PARPBP: variants seen among roughly 807,000 people sequenced by gnomAD.
PARPBP encodes the protein PCNA-interacting partner.
A neutral mutation model predicts 50.0 loss-of-function variants in PARPBP; 52 were observed. The observed-to-expected ratio is 1.04, with a 90% CI of 0.83 to 1.31. The LOEUF (loss-of-function observed/expected upper bound fraction) is 1.31. Ranked by LOEUF, PARPBP falls within the 50% of genes most tolerant of loss-of-function variation. The probability of loss-of-function intolerance (pLI) is 0.00; values close to 1 mark genes in which losing one functional copy is unlikely to be tolerated. For synonymous variants in PARPBP, 244 were observed against 232.1 expected, an observed-to-expected ratio of 1.05 and a Z score of -0.47; for missense variants, 697 against 672.0, an observed-to-expected ratio of 1.04 and a Z score of -0.41.
chr12:102,168,804 C>T (rs1050559526), intron 6 of PARPBP, among the ~76,000 whole-genome samples: 21 of 152,098 alleles, frequency 1.4e-4, no homozygotes, highest in Admixed American at 5.9e-4. Flanking sequence ...TTCATTTTAT[C>T]TTATAATTTC....
intron 3 of PARPBP, among the ~76,000 whole-genome samples, chr12:102,152,729 C>T (rs1389621624): frequency 6.6e-6 from 1 of 151,426 alleles, no homozygotes; most frequent in African/African-American, 2.4e-5. Flanking sequence ...ATAAATACTT[C>T]AGAGTAATTT....
rs745871592 is a variant in PARPBP at position 102,164,446 on chromosome 12, G to T, written c.504G>T (p.Leu168=). 10 of 1,610,498 alleles carry T rather than the reference G, an allele frequency of 6.2e-6. No individual in the cohort carries two copies. Among genetic ancestry groups the T allele is most frequent in the Non-Finnish European group, 8.5e-6 (10 of 1,177,240 alleles). Residue 168 remains leucine, a synonymous_variant, in exon 5 of 11, where the codon CTG becomes CTT. Transcript: ENST00000327680. ...KYNRDNEKVQ[L]LARKIIFSYL... ...AATATTTTATTGCACAGGTGCAGCT[G>T]CTAGCAAGGAAAATTATCTTTTCAT...
chr12:102,157,074 T>C (rs1325598986), intron 4 of PARPBP, among the ~76,000 whole-genome samples: 1 of 152,272 alleles, frequency 6.6e-6, no homozygotes, highest in Non-Finnish European at 1.5e-5. Flanking sequence ...GATTCTTCTA[T>C]ATGTCCCATG....
chr12:102,135,766 A>G (rs1318887148), intron 2 of PARPBP, among the ~76,000 whole-genome samples: 1 of 152,180 alleles, frequency 6.6e-6, no homozygotes, highest in Non-Finnish European at 1.5e-5. Flanking sequence ...CATAGTGATC[A>G]TCTTGCACCT....
chr12:102,160,633 G>A (rs1313333308), intron 4 of PARPBP, among the ~76,000 whole-genome samples: 1 of 152,192 alleles, frequency 6.6e-6, no homozygotes, highest in East Asian at 1.9e-4. Flanking sequence ...TACTGTGAAA[G>A]TAAAGATAAA....
intron 4 of PARPBP, among the ~76,000 whole-genome samples, chr12:102,158,779 T>C (rs995781670): frequency 1.3e-5 from 2 of 152,144 alleles, no homozygotes; most frequent in African/African-American, 4.8e-5. Flanking sequence ...AGGGAGGAAA[T>C]TATAATTGTT....
chr12:102,137,735 A>G (rs1021341186), intron 2 of PARPBP, among the ~76,000 whole-genome samples: 1 of 150,714 alleles, frequency 6.6e-6, no homozygotes, highest in African/African-American at 2.4e-5. Flanking sequence ...GTTCCCACCT[A>G]TGAGTCAGAT....
intron 2 of PARPBP, among the ~76,000 whole-genome samples, chr12:102,130,211 C>T (rs1000169838): frequency 3.3e-5 from 5 of 152,146 alleles, no homozygotes; most frequent in African/African-American, 1.2e-4. Context: ...TGAAACCGGA[C>T]CTCTTCCTTA....
chr12:102,127,393 C>CA (rs1302753081), intron 2 of PARPBP, among the ~76,000 whole-genome samples: 2 of 132,854 alleles, frequency 1.5e-5, no homozygotes, highest in Non-Finnish European at 3.2e-5. Flanking sequence ...GAACCTATCT[C>CA]AAAAAAAGAA....
At position 102,183,955 on chromosome 12, in the gene PARPBP, C is replaced by T. The variant is rs189667945; in HGVS notation, c.1263+1328C>T. On this transcript the variant is annotated intron_variant, in intron 9 of 10. Transcript: ENST00000327680. ...CCGGGCACCTGTAATCTCAGCTACT[C>T]GGTAGGCTGAGGCAGGAGAATCGCT... 3.3e-3 allele frequency among the ~76,000 whole-genome samples: 486 copies of T among 145,544 alleles called. 4 individuals are homozygous for T. Among genetic ancestry groups the T allele is most frequent in the Middle Eastern group, 0.015 (4 of 274 alleles).
At chr12:102,173,988 T>C (rs1424131231) in intron 6 of PARPBP, among the ~76,000 whole-genome samples, 1 of 150,366 alleles carries the variant, frequency 6.7e-6, no homozygotes, top group Non-Finnish European at 1.5e-5. Flanking sequence ...AATAGTAAAA[T>C]ATATATCATT....
chr12:102,130,187 C>G (rs1380652140), intron 2 of PARPBP, among the ~76,000 whole-genome samples: 1 of 152,160 alleles, frequency 6.6e-6, no homozygotes. Flanking sequence ...ACTGGCTAAC[C>G]ATGTGCAGAA....
At chr12:102,126,182 T>A in intron 2 of PARPBP, among the ~76,000 whole-genome samples, 1 of 152,190 alleles carries the variant, frequency 6.6e-6, no homozygotes, top group East Asian at 1.9e-4. Flanking sequence ...CTGATTCAGC[T>A]TTCTACCTTT....
intron 2 of PARPBP, among the ~76,000 whole-genome samples, chr12:102,147,459 C>T (rs765841938): frequency 3.3e-5 from 5 of 150,832 alleles, no homozygotes; most frequent in Non-Finnish European, 7.4e-5. Flanking sequence ...AGTAAACTAT[C>T]GCAAGGACAA....
intron 4 of PARPBP, among the ~76,000 whole-genome samples, chr12:102,156,211 G>C (rs993560686): frequency 1.9e-5 from 2 of 105,604 alleles, no homozygotes; most frequent in African/African-American, 8.1e-5. Flanking sequence ...TTTTGAGACG[G>C]TGTCTCCTTC....
intron 5 of PARPBP, among the ~76,000 whole-genome samples, chr12:102,164,898 A>G (rs1887981161): frequency 2.0e-5 from 3 of 152,180 alleles, no homozygotes. Flanking sequence ...ATGTTCTTTG[A>G]ATAAATGTTT....
rs761852108 is a variant in PARPBP, at chr12:102,148,430, T to C, written c.354T>C (p.Thr118=). 4 of 1,498,020 alleles carry C rather than the reference T, an allele frequency of 2.7e-6. No homozygotes were observed. The highest frequency in any genetic ancestry group is 3.7e-6 in the Non-Finnish European group (4 of 1,079,560). The allele number at this position is 1,498,020 out of a possible 1,614,324, so 92.8% of individuals were successfully genotyped here. A position where few individuals can be genotyped will look rare whatever the true frequency, so the allele number is the denominator to read the frequency against. The stretch of plus-strand genomic sequence containing the variant: ...TTTATCAAAAATGTAGGGCTTTGAC[T>C]TCTAATTGTGAAAATTATAACACAG... ...IDVYQKCRAL[T]SNCENYNTVS... The change falls in exon 3 of 11, where the codon ACT becomes ACC. Residue 118 remains threonine, a synonymous_variant. Transcript: ENST00000327680.
chr12:102,141,356 C>T (rs1385424486), intron 2 of PARPBP, among the ~76,000 whole-genome samples: 35 of 151,922 alleles, frequency 2.3e-4, no homozygotes, highest in Admixed American at 2.3e-3. Context: ...TCCTCCATCC[C>T]TTTATTTTGA....
intron 4 of PARPBP, among the ~76,000 whole-genome samples, chr12:102,160,037 C>T (rs1887394601): frequency 6.6e-6 from 1 of 152,190 alleles, no homozygotes; most frequent in Non-Finnish European, 1.5e-5. Flanking sequence ...AGGCTTCAAT[C>T]TTGTGGATGT....
Sources: allele counts gnomAD v4.1 joint callset (sites outside exome capture counted in the v4.1 genomes callset), GRCh38; gene constraint gnomAD v4.1.1; transcripts MANE v1.5; gene names NCBI Gene and HGNC (gene_info 2026-07-23, HGNC 2026-07-21).